The following TMCO4 variants were observed in gnomAD, a reference collection of about 807,000 sequenced individuals.
TMCO4 encodes the protein transmembrane and coiled-coil domain-containing protein 4.
In TMCO4, 58 loss-of-function variants were observed where a neutral mutation model predicts 64.7. That is an observed-to-expected ratio of 0.90 (90% confidence interval 0.73 to 1.12). The LOEUF is 1.12. Among genes scored for constraint, TMCO4 ranks in the 50% most tolerant of loss-of-function variants. The pLI is 0.00. For synonymous variants in TMCO4, 325 were observed against 346.1 expected, an observed-to-expected ratio of 0.94 and a Z score of 0.68; for missense variants, 780 against 825.9, an observed-to-expected ratio of 0.94 and a Z score of 0.68.
chr1:19,700,822 T>C lies in TMCO4; in HGVS notation c.1328A>G (p.His443Arg), dbSNP rs778190089. Residue 443 changes from histidine (H) to arginine (R), a missense_variant, in exon 14 of 16, where the codon CAT becomes CGT. Transcript: ENST00000294543. ...LGAPVEGEAKHWEPFRKVVSG... is the reference protein window; with the variant it reads ...LGAPVEGEAKRWEPFRKVVSG... ...CACCACCTTCCGGAAAGGCTCCCAA[T>C]GCTTGGCTTCTCCCTCCACAGGCGC... 1.1e-5 allele frequency: 18 copies of C among 1,614,234 alleles called. No individual in the cohort carries two copies. Among genetic ancestry groups the C allele is most frequent in the Admixed American group, 6.7e-5 (4 of 60,030 alleles).
At chr1:19,692,264 C>A (rs942654269) in intron 15 of TMCO4, among the ~76,000 whole-genome samples, 1 of 152,160 alleles carries the variant, frequency 6.6e-6, no homozygotes, top group African/African-American at 2.4e-5. Context: ...CCCGCCTCCC[C>A]CTATGGAGCA....
intron 6 of TMCO4, among the ~76,000 whole-genome samples, chr1:19,761,501 G>C (rs1372077343): frequency 6.6e-6 from 1 of 152,242 alleles, no homozygotes; most frequent in East Asian, 1.9e-4. Flanking sequence ...AGAGATCTGA[G>C]GGTCAGCCTC....
intron 7 of TMCO4, among the ~76,000 whole-genome samples, chr1:19,755,308 T>C (rs1020774573): frequency 6.6e-6 from 1 of 152,164 alleles, no homozygotes. Flanking sequence ...GTATTTTTAG[T>C]AGAGATGGGG....
chr1:19,784,640 T>G (rs1326806494), intron 3 of TMCO4, among the ~76,000 whole-genome samples: 3 of 152,160 alleles, frequency 2.0e-5, no homozygotes, highest in African/African-American at 7.2e-5. Context: ...GTGGCCTCAG[T>G]GACCTTTTTG....
intron 3 of TMCO4, among the ~76,000 whole-genome samples, chr1:19,781,678 G>C (rs530144145): frequency 7.1e-6 from 1 of 141,632 alleles, no homozygotes; most frequent in South Asian, 2.2e-4. Flanking sequence ...ATGGAGTCTC[G>C]CTCTGTCGCC....
chr1:19,719,200 T>G (rs749712528), intron 13 of TMCO4, among the ~76,000 whole-genome samples: 5 of 152,182 alleles, frequency 3.3e-5, no homozygotes, highest in Non-Finnish European at 5.9e-5. Context: ...CCCTTCCAGC[T>G]AGCCCAAGGC....
At chr1:19,771,909 C>T (rs564136735) in intron 4 of TMCO4, among the ~76,000 whole-genome samples, 3 of 152,236 alleles carry the variant, frequency 2.0e-5, no homozygotes, top group South Asian at 2.1e-4. Context: ...CCACCCGCCC[C>T]GGCCTCCCAA....
chr1:19,740,731 AAGGC>A (rs1557544784), intron 11 of TMCO4, 42 bp downstream of exon 11: 2 of 1,573,756 alleles, frequency 1.3e-6, no homozygotes, highest in Middle Eastern at 1.7e-4. Context: ...TGTTGGGATG[AAGGC>A]AGTGGGCATG....
chr1:19,683,371 C>A lies in TMCO4; in HGVS notation c.1574G>T (p.Gly525Val), dbSNP rs750152248. The part of the protein sequence containing the change: ...LKAVGIRTKP[G>V]WDEKGLLLAP... The stretch of plus-strand genomic sequence containing the variant: ...CAGCAAGAGCCCCTTCTCGTCCCAG[C>A]CTGGCTTGGTGCGGATGCCCACGGC... The change falls in exon 16 of 16, where the codon GGC (glycine) becomes GTC (valine). Residue 525 changes from glycine (G) to valine (V), a missense_variant. Transcript: ENST00000294543. 7 of 1,613,904 alleles carry A rather than the reference C, an allele frequency of 4.3e-6. No individual in the cohort carries two copies. The South Asian group carries it at 6.6e-5, about 15-fold the overall frequency.
In TMCO4 at chr1:19,765,337, G is replaced by A. The variant is rs568457785; in HGVS notation, c.382+5205C>T. Among the ~76,000 whole-genome samples, 5 of 152,234 alleles carry A rather than the reference G, an allele frequency of 3.3e-5. No homozygotes were observed. In the East Asian group the frequency reaches 7.7e-4, roughly 23 times the overall value. ...GCAATAACTCAGAATCTATGTAAGC[G>A]GCCTAGAAGAGCAACTAGAAGAACT... is the stretch of plus-strand genomic sequence containing the variant. On this transcript the variant is annotated intron_variant, in intron 6 of 15. Coordinates refer to ENST00000294543, the MANE Select transcript of TMCO4 (RefSeq NM_181719.7).
chr1:19,752,743 C>A (rs977876963), intron 7 of TMCO4, among the ~76,000 whole-genome samples: 1 of 152,056 alleles, frequency 6.6e-6, no homozygotes, highest in Admixed American at 6.6e-5. Flanking sequence ...GACTGGACAT[C>A]GTGGTCAAAT....
intron 13 of TMCO4, among the ~76,000 whole-genome samples, chr1:19,728,327 C>T (rs138878559): frequency 1.3e-5 from 2 of 152,350 alleles, no homozygotes; most frequent in Non-Finnish European, 2.9e-5. Context: ...GGCAGAACTA[C>T]TGGCCCCATG....
chr1:19,700,620 C>T (rs2095265527), intron 14 of TMCO4, 148 bp downstream of exon 14: 6 of 735,996 alleles, frequency 8.2e-6, no homozygotes, highest in East Asian at 7.7e-5. Context: ...CCTGGGCCTG[C>T]TCCTAACAGG....
intron 2 of TMCO4, among the ~76,000 whole-genome samples, chr1:19,788,024 T>G (rs2043830235): frequency 6.6e-6 from 1 of 152,186 alleles, no homozygotes; most frequent in African/African-American, 2.4e-5. Context: ...CCCAAAGTGC[T>G]AGGATTACAG....
chr1:19,766,637 T>C (rs529413165), intron 6 of TMCO4, among the ~76,000 whole-genome samples: 16 of 152,298 alleles, frequency 1.1e-4, no homozygotes, highest in South Asian at 2.1e-4. Flanking sequence ...GATTCGCTCA[T>C]GTAATCCTCA....
chr1:19,756,471 G>C (rs1379690393), intron 6 of TMCO4, among the ~76,000 whole-genome samples: 1 of 152,054 alleles, frequency 6.6e-6, no homozygotes, highest in African/African-American at 2.4e-5. Flanking sequence ...TTCTGGAATT[G>C]TAATCTTAAG....
chr1:19,745,260 GTGGA>G (rs1007924002), intron 10 of TMCO4, among the ~76,000 whole-genome samples: 6 of 132,890 alleles, frequency 4.5e-5, no homozygotes, highest in Non-Finnish European at 7.9e-5. Flanking sequence ...GAACAGGTGG[GTGGA>G]TGGATGGGTA....
rs1489088886 is a variant in TMCO4, at chr1:19,739,752, T to TA, written c.1179+71dup. 10 of 1,559,910 alleles carry TA rather than the reference T, an allele frequency of 6.4e-6. No homozygotes were observed. In the African/African-American group the frequency reaches 1.4e-4, roughly 21 times the overall value. ...CAAGTAGCCTTGCCTCTAAGGCTGA[T>TA]ATCTGTGAACAAGTCAGCACCTGAC... On this transcript the variant is annotated intron_variant, in intron 12 of 15. Transcript: ENST00000294543.
chr1:19,686,054 T>C (rs1191075799), intron 15 of TMCO4, among the ~76,000 whole-genome samples: 1 of 152,192 alleles, frequency 6.6e-6, no homozygotes, highest in Non-Finnish European at 1.5e-5. Context: ...AAGCCTGTTC[T>C]CTTCAGAGAA....
Sources: allele counts gnomAD v4.1 joint callset (sites outside exome capture counted in the v4.1 genomes callset), GRCh38; gene constraint gnomAD v4.1.1; transcripts MANE v1.5; gene names NCBI Gene and HGNC (gene_info 2026-07-23, HGNC 2026-07-21).